COPA: variants seen among roughly 807,000 people sequenced by gnomAD.
COPA encodes the protein coat protein complex I subunit alpha.
Under a neutral mutation model 158.7 loss-of-function variants are expected in COPA, and 10 were observed. The ratio of observed to expected loss-of-function variants is 0.06; its 90% CI spans 0.04 to 0.11. The LOEUF is 0.11. COPA is among the 10% of genes least tolerant of loss of function. The probability of loss-of-function intolerance (pLI) is 1.00; values close to 1 mark genes in which losing one functional copy is unlikely to be tolerated. For synonymous variants in COPA, 462 were observed against 542.8 expected (o/e 0.85, Z 2.07); for missense variants, 1,065 against 1,536.7 (o/e 0.69, Z 5.13).
Position 160,293,441 on chromosome 1 carries a change from C to T in COPA, c.2699G>A (p.Gly900Asp). The T allele has an allele frequency of 6.2e-7, 1 of 1,607,464 alleles. No homozygotes were observed. Among genetic ancestry groups the T allele is most frequent in the Non-Finnish European group, 8.5e-7 (1 of 1,177,910 alleles). Residue 900 changes from glycine to aspartate, a missense_variant, in exon 26 of 33, where the codon GGT (glycine) becomes GAT (aspartate). Gly to Asp is a moderately conservative substitution (Grantham distance 94). Around this residue, in one of 2 missense-constraint regions of COPA, gnomAD observed 980 missense variants for 1,357.8 expected, o/e 0.72. Coordinates refer to ENST00000241704, the MANE Select transcript of COPA (RefSeq NM_004371.4). ...PELDISPGAA[G>D]GAEDGFFVPP... ...CACAAAGAAACCATCTTCAGCCCCA[C>T]CAGCTGCCCCAGGGGATATATCCTA...
chr1:160,330,698 A>T (rs73029420), intron 6 of COPA, among the ~76,000 whole-genome samples: 1 of 152,204 alleles, frequency 6.6e-6, no homozygotes, highest in Admixed American at 6.5e-5. Flanking sequence ...CCATGCCACA[A>T]TGGAGTTGGG....
intron 9 of COPA, among the ~76,000 whole-genome samples, chr1:160,313,539 T>A (rs1041036085): frequency 6.6e-6 from 1 of 152,002 alleles, no homozygotes; most frequent in Admixed American, 6.6e-5. Context: ...CTCAGCCTCC[T>A]GAGTAGCTGG....
At position 160,294,596 on chromosome 1, in the gene COPA, G is replaced by A. The variant is rs749252031; in HGVS notation, c.2567-3C>T. 1.2e-6 allele frequency: 2 copies of A among 1,614,076 alleles called. No homozygotes were observed. The highest frequency in any genetic ancestry group is 1.3e-5 in the African/African-American group (1 of 75,030). ...TTCTGTAGCCTCCACAAACCCATCT[G>A]TAAGGAAAATTCAAGCTCAAAACAG... On this transcript the variant is annotated splice_region_variant and splice_polypyrimidine_tract_variant and intron_variant, in intron 24 of 32. Transcript: ENST00000241704.
chr1:160,300,105 C>T (rs1658547607), intron 17 of COPA, among the ~76,000 whole-genome samples: 1 of 151,814 alleles, frequency 6.6e-6, no homozygotes, highest in African/African-American at 2.4e-5. Flanking sequence ...TTTGGGAGGC[C>T]GAGGCGGGTA....
intron 3 of COPA, chr1:160,339,660 G>A (rs1886421): frequency 9.3e-6 from 4 of 429,080 alleles, no homozygotes; most frequent in Admixed American, 3.8e-5. Flanking sequence ...TTTATCTTCT[G>A]TATTAGAATA....
intron 12 of COPA, 43 bp from the exon 13 acceptor site, chr1:160,309,219 C>G: frequency 7.0e-7 from 1 of 1,436,176 alleles, no homozygotes. Flanking sequence ...TGAGAAGCAC[C>G]CAAGATACCA....
Position 160,290,315 on chromosome 1 carries a change from TA to T in COPA, c.3616-100del, listed in dbSNP as rs1259534444. The T allele has an allele frequency of 2.8e-6, 4 of 1,430,450 alleles. No homozygotes were observed. In the East Asian group the frequency reaches 9.1e-5, roughly 33 times the overall value. 88.6% of individuals were successfully genotyped at this position (1,430,450 alleles called of 1,614,324 possible). A position where few individuals can be genotyped will look rare whatever the true frequency, so the allele number is the denominator to read the frequency against. On this transcript the variant is annotated intron_variant, in intron 32 of 32. Transcript: ENST00000241704. ...CCCCTCAATGGGCACAGTAGACAGG[TA>T]TTGGGGTGTTCATCACTGACTGGCC...
At chr1:160,307,917 C>G (rs969189608) in intron 13 of COPA, among the ~76,000 whole-genome samples, 3 of 152,150 alleles carry the variant, frequency 2.0e-5, no homozygotes, top group Non-Finnish European at 4.4e-5. Context: ...ATTAGACCAG[C>G]AGAAAACTGG....
chr1:160,336,332 C>CA (rs754757246), intron 3 of COPA, among the ~76,000 whole-genome samples: 8,618 of 109,504 alleles, frequency 0.079, 680 homozygotes, highest in African/African-American at 0.22. Flanking sequence ...GGCTCGGTCT[C>CA]AAAAAAAAAA....
intron 1 of COPA, 81 bp from the exon 2 acceptor site, chr1:160,340,375 A>G: frequency 1.1e-6 from 1 of 885,382 alleles, no homozygotes; most frequent in Non-Finnish European, 1.8e-6. Context: ...AGAAAAAGAA[A>G]CATCAAGGTT....
chr1:160,327,798 C>T (rs1445235765), intron 6 of COPA, among the ~76,000 whole-genome samples: 1 of 152,048 alleles, frequency 6.6e-6, no homozygotes, highest in Non-Finnish European at 1.5e-5. Flanking sequence ...ACGGAGGCTG[C>T]GATGAGCTGA....
intron 17 of COPA, among the ~76,000 whole-genome samples, chr1:160,300,993 C>T (rs1175685424): frequency 1.3e-5 from 2 of 151,990 alleles, no homozygotes; most frequent in Non-Finnish European, 2.9e-5. Flanking sequence ...TGGCTCATGC[C>T]TATAATCCCA....
chr1:160,313,944 AAG>A (rs771667402), intron 9 of COPA, 44 bp downstream of exon 9: 6 of 1,514,078 alleles, frequency 4.0e-6, no homozygotes, highest in Non-Finnish European at 5.3e-6. Context: ...CTAATTTTAA[AAG>A]AGAGAGTAAG....
intron 22 of COPA, 41 bp from the exon 23 acceptor site, chr1:160,295,900 T>C (rs1353249830): frequency 6.3e-7 from 1 of 1,585,852 alleles, no homozygotes; most frequent in East Asian, 2.2e-5. Context: ...AAATAGCACT[T>C]GGAAGTCACG....
chr1:160,320,780 T>C (rs1379895444), intron 8 of COPA, among the ~76,000 whole-genome samples: 1 of 120,806 alleles, frequency 8.3e-6, no homozygotes, highest in Non-Finnish European at 1.6e-5. Context: ...ATGCCAATCC[T>C]ATTCAAACTC....
intron 8 of COPA, among the ~76,000 whole-genome samples, chr1:160,319,395 T>TA (rs57468266): frequency 0.033 from 4,973 of 151,472 alleles, 269 homozygotes; most frequent in African/African-American, 0.11. Context: ...AAGCAAACAC[T>TA]AATAGATCCA....
At position 160,297,400 on chromosome 1, in the gene COPA, C is replaced by A. The variant is rs1324287086; in HGVS notation, c.2206G>T (p.Ala736Ser). ...TCTGACACATCACCCAGGTATAGGG[C>A]ATTCTGATAGTGGCCACTCATGTCC... is the stretch of plus-strand genomic sequence containing the variant. ...RKDMSGHYQN[A>S]LYLGDVSERV... is the part of the protein sequence containing the mutation. The change falls in exon 21 of 33, where the codon GCC (alanine) becomes TCC (serine). Residue 736 changes from alanine (A) to serine (S), a missense_variant. By Grantham distance (99) the Ala-to-Ser change is moderately conservative. Transcript: ENST00000241704. 24 of 1,614,068 alleles carry A rather than the reference C, an allele frequency of 1.5e-5. No individual in the cohort carries two copies. In the East Asian group the frequency reaches 5.3e-4, roughly 36 times the overall value.
chr1:160,318,468 TAAAAAA>T (rs71090307), intron 8 of COPA, among the ~76,000 whole-genome samples: 1 of 15,676 alleles, frequency 6.4e-5, no homozygotes, highest in African/African-American at 1.9e-4. Context: ...ACAATATTTG[TAAAAAA>T]AAAAAAAAAA....
chr1:160,294,637 T>A, intron 24 of COPA, 44 bp from the exon 25 acceptor site: 2 of 1,606,628 alleles, frequency 1.2e-6, no homozygotes, highest in Non-Finnish European at 8.5e-7. Context: ...GGCAGTGGCA[T>A]AATCTTAGCC....
Sources: gnomAD v4.1 joint callset for allele counts (sites outside exome capture counted in the v4.1 genomes callset) on GRCh38, gnomAD v4.1.1 for gene constraint, gnomAD v4.1.1 regional missense constraint, MANE v1.5 for transcripts, NCBI Gene and HGNC (gene_info 2026-07-23, HGNC 2026-07-21) for gene names.